Variants in FGF13 observed in about 807,000 individuals in gnomAD.
The protein encoded by FGF13 is fibroblast growth factor homologous factor 2.
Under a neutral mutation model 19.5 loss-of-function variants are expected in FGF13, and 2 were observed. The ratio of observed to expected loss-of-function variants is 0.10; its 90% CI spans 0.04 to 0.32. The LOEUF (loss-of-function observed/expected upper bound fraction) is 0.32, where lower values mean the gene tolerates loss of function less well. Ranked by LOEUF, FGF13 falls within the 10% of genes least tolerant of loss-of-function variation. The probability of loss-of-function intolerance (pLI) is 1.00; values close to 1 mark genes in which losing one functional copy is unlikely to be tolerated. For synonymous variants in FGF13, 72 were observed against 76.9 expected (o/e 0.94, Z 0.33); for missense variants, 113 against 192.7 (o/e 0.59, Z 2.45).
intron 3 of FGF13, among the ~76,000 whole-genome samples, chrX:138,773,756 T>C (rs761977820): frequency 1.0e-3 from 115 of 111,930 alleles, no homozygotes; most frequent in Middle Eastern, 4.6e-3. Flanking sequence ...ATTTTACAAC[T>C]TGGGGACAAA....
At position 138,630,399 on chromosome X, in the gene FGF13, T is replaced by C. The variant is rs767762438; in HGVS notation, c.*2451A>G. ...ACTACTTTTCCCTACTGATTGAAAA[T>C]TAGTAAGAGTTAATAGGGAGAGGTG... On this transcript the variant is annotated 3_prime_UTR_variant, in exon 5 of 5. Transcript: ENST00000315930. 15 of 110,651 alleles carry C rather than the reference T, an allele frequency of 1.4e-4. No homozygotes were observed. The highest frequency in any genetic ancestry group is 3.9e-4 in the African/African-American group (12 of 30,434). The allele number at this position is 110,651 out of a possible 1,213,427, so 9.1% of individuals were successfully genotyped here.
intron 1 of FGF13, among the ~76,000 whole-genome samples, chrX:138,931,439 C>T (rs2091701061): frequency 8.9e-6 from 1 of 111,740 alleles, no homozygotes; most frequent in Admixed American, 9.5e-5. Flanking sequence ...TGTGAAACTC[C>T]AACCCACCAG....
Position 138,799,759 on chromosome X carries a change from C to T in FGF13, c.217+57753G>A, listed in dbSNP as rs745880821. Among the ~76,000 whole-genome samples, 7 of 111,402 alleles carry T rather than the reference C, an allele frequency of 6.3e-5. No homozygotes were observed. The South Asian group carries it at 2.7e-3, about 42-fold the overall frequency. On this transcript the variant is annotated intron_variant, in intron 3 of 6. Transcript: ENST00000436198. ...GGGTGTGTATATATGCATATATATGCACCTATATTGGGTGCATATATATTT... is the reference window on the plus strand; with the variant it reads ...GGGTGTGTATATATGCATATATATGTACCTATATTGGGTGCATATATATTT...
At chrX:139,117,248 T>C (rs999130220) in intron 1 of FGF13, among the ~76,000 whole-genome samples, 3 of 110,850 alleles carry the variant, frequency 2.7e-5, no homozygotes, top group Non-Finnish European at 5.7e-5. Flanking sequence ...TGGTGTAGAG[T>C]TGGTAGAGGC....
chrX:138,826,806 C>T (rs1274578774), intron 3 of FGF13, among the ~76,000 whole-genome samples: 1 of 112,324 alleles, frequency 8.9e-6, no homozygotes, highest in African/African-American at 3.2e-5. Flanking sequence ...AATCCAAATA[C>T]TCAAATAGTA....
chrX:138,968,804 C>T (rs1211533917), intron 1 of FGF13, among the ~76,000 whole-genome samples: 4 of 111,908 alleles, frequency 3.6e-5, no homozygotes, highest in South Asian at 7.4e-4. Flanking sequence ...GAGAAAATTA[C>T]TTCAGGCAGA....
intron 1 of FGF13, among the ~76,000 whole-genome samples, chrX:139,171,541 G>A (rs1048529707): frequency 8.9e-6 from 1 of 111,735 alleles, no homozygotes; most frequent in Non-Finnish European, 1.9e-5. Context: ...CAGATCCTAT[G>A]CCCCAGTCAG....
chrX:138,945,259 G>A (rs1040544362), intron 1 of FGF13, among the ~76,000 whole-genome samples: 7 of 110,942 alleles, frequency 6.3e-5, no homozygotes, highest in African/African-American at 1.6e-4. Flanking sequence ...GACTACGTGC[G>A]ACATGCATTT....
At chrX:138,893,730 C>T (rs757260530) in intron 1 of FGF13, among the ~76,000 whole-genome samples, 11 of 111,837 alleles carry the variant, frequency 9.8e-5, no homozygotes, top group African/African-American at 3.6e-4. Context: ...GTCTGAATTA[C>T]TTGTGCAACC....
chrX:139,193,308 T>C (rs2084347187), intron 1 of FGF13, among the ~76,000 whole-genome samples: 1 of 112,369 alleles, frequency 8.9e-6, no homozygotes, highest in Admixed American at 9.4e-5. Context: ...AGCAGGATTA[T>C]TGCTGTCAGT....
At chrX:138,974,810 T>A (rs1339716785) in intron 1 of FGF13, among the ~76,000 whole-genome samples, 1 of 112,767 alleles carries the variant, frequency 8.9e-6, no homozygotes, top group Non-Finnish European at 1.9e-5. Context: ...TGGATTGGCA[T>A]CAGCATGGTG....
At chrX:139,028,632 AGAGT>A (rs1412835347) in intron 1 of FGF13, among the ~76,000 whole-genome samples, 305 of 45,136 alleles carry the variant, frequency 6.8e-3, no homozygotes, top group African/African-American at 0.023. Context: ...AGAGAGAGAG[AGAGT>A]GTGTGTGTGT....
intron 3 of FGF13, among the ~76,000 whole-genome samples, chrX:138,684,494 T>C (rs936487675): frequency 8.9e-6 from 1 of 111,782 alleles, no homozygotes; most frequent in Non-Finnish European, 1.9e-5. Context: ...TAAATATTGG[T>C]AAAATATTTA....
At chrX:138,868,725 C>G (rs755807804) in intron 1 of FGF13, among the ~76,000 whole-genome samples, 16 of 110,963 alleles carry the variant, frequency 1.4e-4, no homozygotes, top group Non-Finnish European at 3.8e-5. Flanking sequence ...CACCACACCT[C>G]TTCACATGGC....
chrX:138,710,764 C>T, intron 1 of FGF13, 53 bp downstream of exon 1: 1 of 1,197,071 alleles, frequency 8.4e-7, no homozygotes, highest in Admixed American at 2.2e-5. Context: ...CTCCCCACCG[C>T]CCCCACCTCA....
chrX:138,694,670 G>T (rs1428804390), intron 3 of FGF13, among the ~76,000 whole-genome samples: 2 of 107,046 alleles, frequency 1.9e-5, no homozygotes, highest in Non-Finnish European at 3.8e-5. Flanking sequence ...TAGAGACAAG[G>T]TTTCACCGTG....
chrX:139,071,354 T>G lies in FGF13; in HGVS notation c.-113+132062A>C, dbSNP rs7064433. On this transcript the variant is annotated intron_variant, in intron 1 of 2. Transcript: ENST00000421460. ...TGTTTTATTACCATCCTTTTAGTGG[T>G]ACACACAAGTTTTTTACATAATACT... Among the ~76,000 whole-genome samples the G allele has an allele frequency of 4.0e-3, 444 of 111,787 alleles. 1 individual carries two copies. The highest frequency in any genetic ancestry group is 0.013 in the African/African-American group (415 of 30,807).
At chrX:139,155,378 C>T (rs1443454441) in intron 1 of FGF13, among the ~76,000 whole-genome samples, 2 of 111,802 alleles carry the variant, frequency 1.8e-5, no homozygotes, top group African/African-American at 3.3e-5. Context: ...GCACTGAAGA[C>T]GCTTTAGAGC....
At chrX:138,896,109 A>G (rs1232862902) in intron 1 of FGF13, among the ~76,000 whole-genome samples, 1 of 112,039 alleles carries the variant, frequency 8.9e-6, no homozygotes, top group Non-Finnish European at 1.9e-5. Context: ...GACTATAATA[A>G]TAATGTAGTG....
Sources: allele counts gnomAD v4.1 joint callset (sites outside exome capture counted in the v4.1 genomes callset), GRCh38; gene constraint gnomAD v4.1.1; transcripts MANE v1.5; gene names NCBI Gene and HGNC (gene_info 2026-07-23, HGNC 2026-07-21).